The following ASAH1 variants were observed in gnomAD, a reference collection of about 807,000 sequenced individuals.
ASAH1 encodes the protein acid ceramidase.
In ASAH1, 70 loss-of-function variants were observed where a neutral mutation model predicts 59.5. The ratio of observed to expected loss-of-function variants is 1.18; its 90% CI spans 0.97 to 1.43. The LOEUF (loss-of-function observed/expected upper bound fraction) is 1.43. ASAH1 is among the 40% of genes most tolerant of loss of function. The pLI is 0.00. For synonymous variants in ASAH1, 213 were observed against 166.5 expected (o/e 1.28, Z -2.15); for missense variants, 660 against 482.5 (o/e 1.37, Z -3.45).
Position 18,067,340 on chromosome 8 carries a change from C to T in ASAH1, c.304-42G>A, listed in dbSNP as rs12675283. 0.35 allele frequency: 406,914 copies of T among 1,179,346 alleles called. 73,235 individuals carry two copies. The highest frequency in any genetic ancestry group is 0.46 in the South Asian group (21,970 of 47,716). The allele number at this position is 1,179,346 out of a possible 1,614,324, so 73.1% of individuals were successfully genotyped here. Reference sequence around the variant, plus strand: ...TTAATAAAAGCATTTAACATAATAACAATAAAAAATATATAATATAATATA... The same window carrying T: ...TTAATAAAAGCATTTAACATAATAATAATAAAAAATATATAATATAATATA... On this transcript the variant is annotated intron_variant, in intron 4 of 13. Transcript: ENST00000637790.
At chr8:18,066,906 T>C (rs1799950050) in intron 5 of ASAH1, 2 of 351,614 alleles carry the variant, frequency 5.7e-6, no homozygotes, top group Non-Finnish European at 1.0e-5. Context: ...GTTCTATTTA[T>C]ACAAAGTTCA....
At chr8:18,059,063 G>A (rs1175735497) in intron 12 of ASAH1, 172 bp from the exon 13 acceptor site, 1 of 690,290 alleles carries the variant, frequency 1.4e-6, no homozygotes, top group Non-Finnish European at 2.4e-6. Context: ...CAGTTTTAAT[G>A]GATTACTTTC....
At chr8:18,062,496 G>A (rs1007399083) in intron 7 of ASAH1, 73 bp from the exon 8 acceptor site, 4 of 1,515,804 alleles carry the variant, frequency 2.6e-6, no homozygotes, top group Non-Finnish European at 3.7e-6. Context: ...ATGAGGGCCA[G>A]GCATTACACT....
chr8:18,060,022 C>T (rs1799626425), intron 10 of ASAH1: 5 of 289,058 alleles, frequency 1.7e-5, no homozygotes, highest in East Asian at 8.8e-5. Context: ...TGAGTGAGAA[C>T]ATGCAGTGTT....
chr8:18,076,568 C>G (rs1018087734), intron 1 of ASAH1: 1 of 152,206 alleles, frequency 6.6e-6, no homozygotes, highest in Non-Finnish European at 1.5e-5. Flanking sequence ...CTCCTTTCCT[C>G]TGGAGAACCA....
upstream of ASAH1, chr8:18,084,846 C>T (rs770127254): frequency 6.2e-7 from 1 of 1,606,576 alleles, no homozygotes; most frequent in Middle Eastern, 1.8e-4. Context: ...CTCAGGTGGG[C>T]GGAGCAGAGC....
At chr8:18,066,327 G>A (rs1219664628) in intron 5 of ASAH1, 1 of 150,988 alleles carries the variant, frequency 6.6e-6, no homozygotes, top group Non-Finnish European at 1.5e-5. Flanking sequence ...CTGACAAAGG[G>A]CTTATATTCA....
chr8:18,069,710 G>C (rs535067938), intron 4 of ASAH1, 82 bp downstream of exon 4: 2 of 1,003,092 alleles, frequency 2.0e-6, no homozygotes, highest in Admixed American at 1.8e-5. Flanking sequence ...CCTGCGAAGA[G>C]GTTGCTGAAT....
intron 8 of ASAH1, 65 bp downstream of exon 8, chr8:18,062,214 A>T: frequency 1.9e-6 from 3 of 1,609,062 alleles, no homozygotes; most frequent in Non-Finnish European, 2.6e-6. Context: ...TTAGATTTCA[A>T]CTTTTACATA....
Position 18,081,974 on chromosome 8 carries a change from A to C in ASAH1, c.78+2007T>G, listed in dbSNP as rs576761663. ...TTTATTCTGCCAAATGGAGATGTTA[A>C]AACAAAACAAATTCCATGCACATAA... On this transcript the variant is annotated intron_variant, in intron 1 of 13. Transcript: ENST00000637790. Among the ~76,000 whole-genome samples the C allele has an allele frequency of 8.5e-5, 13 of 152,354 alleles. No homozygotes were observed. In the South Asian group the frequency reaches 2.7e-3, roughly 32 times the overall value.
At chr8:18,063,633 A>G in intron 6 of ASAH1, 1 of 172,810 alleles carries the variant, frequency 5.8e-6, no homozygotes, top group Non-Finnish European at 1.2e-5. Context: ...ATTTTGATTA[A>G]TTTTTATTCA....
chr8:18,062,885 T>A (rs1416138581), intron 7 of ASAH1: 3 of 324,722 alleles, frequency 9.2e-6, no homozygotes, highest in Non-Finnish European at 1.7e-5. Flanking sequence ...TTTTTTTTTT[T>A]TTTGAGATGG....
chr8:18,063,680 C>A (rs1799806400), intron 6 of ASAH1: 1 of 168,164 alleles, frequency 5.9e-6, no homozygotes, highest in South Asian at 1.4e-4. Context: ...TAAGAAACAT[C>A]CTAATATCCT....
At chr8:18,060,698 T>C (rs147458938) in intron 10 of ASAH1, 1 of 152,342 alleles carries the variant, frequency 6.6e-6, no homozygotes, top group Non-Finnish European at 1.5e-5. Flanking sequence ...AAGATTTCTA[T>C]ACCAAGGCAA....
chr8:18,063,485 T>TTG lies in ASAH1; in HGVS notation c.458-256_458-255insCA, dbSNP rs1554809052. The stretch of plus-strand genomic sequence containing the variant: ...CACCTGGCTACTTTTTTTTTTTTTT[T>TTG]GTATTTTTCTTTTAGTAGAGAAGGG... On this transcript the variant is annotated intron_variant, in intron 6 of 13. Coordinates refer to ENST00000637790, the MANE Select transcript of ASAH1 (RefSeq NM_177924.5). 16,705 of 384,754 alleles carry TTG rather than the reference T, an allele frequency of 0.043. 431 individuals carry two copies. The highest frequency in any genetic ancestry group is 0.091 in the African/African-American group (4,232 of 46,486). 23.8% of individuals were successfully genotyped at this position (384,754 alleles called of 1,614,324 possible). A position where few individuals can be genotyped will look rare whatever the true frequency, so the allele number is the denominator to read the frequency against.
intron 1 of ASAH1, among the ~76,000 whole-genome samples, chr8:18,078,029 C>A (rs1430143806): frequency 6.6e-6 from 1 of 152,112 alleles, no homozygotes; most frequent in African/African-American, 2.4e-5. Context: ...ATGGCTTTCC[C>A]TGTTCTATCA....
chr8:18,073,912 A>C (rs1488954063), intron 2 of ASAH1, among the ~76,000 whole-genome samples: 1 of 152,236 alleles, frequency 6.6e-6, no homozygotes, highest in Non-Finnish European at 1.5e-5. Flanking sequence ...CAAGGAAAGA[A>C]ACATACAAGT....
Position 18,056,678 on chromosome 8 carries a change from G to A in ASAH1, c.*856C>T, listed in dbSNP as rs1015208918. On this transcript the variant is annotated 3_prime_UTR_variant, in exon 14 of 14. Coordinates refer to ENST00000637790, the MANE Select transcript of ASAH1 (RefSeq NM_177924.5). ...TTTCTTTAAAACTCCCTATCAATCT[G>A]AAGAACAAACTAAAAACCTGTTTAT... 6.6e-6 allele frequency: 1 copy of A among 152,130 alleles called. No individual in the cohort carries two copies. The allele number at this position is 152,130 out of a possible 1,614,324, so 9.4% of individuals were successfully genotyped here. A position where few individuals can be genotyped will look rare whatever the true frequency, so the allele number is the denominator to read the frequency against.
At position 18,056,806 on chromosome 8, in the gene ASAH1, G is replaced by GT. The variant is rs745589688; in HGVS notation, c.*727dup. The GT allele has an allele frequency of 6.9e-6, 1 of 145,748 alleles. No individual in the cohort carries two copies. The highest frequency in any genetic ancestry group is 2.7e-5 in the African/African-American group (1 of 37,022). 9.0% of individuals were successfully genotyped at this position (145,748 alleles called of 1,614,324 possible). On this transcript the variant is annotated 3_prime_UTR_variant, in exon 14 of 14. Transcript: ENST00000637790. ...CTAAATTAACAGAACGTGGGATGCA[G>GT]TTTTTTAAGTTAGCAACTTCCTTAG...
Sources: gnomAD v4.1 joint callset for allele counts (sites outside exome capture counted in the v4.1 genomes callset) on GRCh38, gnomAD v4.1.1 for gene constraint, MANE v1.5 for transcripts, NCBI Gene and HGNC (gene_info 2026-07-23, HGNC 2026-07-21) for gene names.